The following ALCAM variants were observed in gnomAD, a reference collection of about 807,000 sequenced individuals.
The protein encoded by ALCAM is activated leukocyte cell adhesion molecule, also known as CD166 antigen.
ALCAM carries 30 observed loss-of-function variants against 70.9 expected under a neutral mutation model. That is an observed-to-expected ratio of 0.42 (90% CI 0.32 to 0.57). The LOEUF is 0.57. ALCAM is among the 20% of genes least tolerant of loss of function. ALCAM has a pLI of 0.11. For synonymous variants in ALCAM, 249 were observed against 242.5 expected, an observed-to-expected ratio of 1.03 and a Z score of -0.25; for missense variants, 591 against 695.1, an observed-to-expected ratio of 0.85 and a Z score of 1.68.
chr3:105,551,125 A>G (rs774050258), intron 12 of ALCAM, among the ~76,000 whole-genome samples: 1 of 151,612 alleles, frequency 6.6e-6, no homozygotes, highest in African/African-American at 2.4e-5. Context: ...AGCAAGAGCT[A>G]GGAGAAAATA....
At chr3:105,568,833 G>A (rs1331564514) in intron 14 of ALCAM, among the ~76,000 whole-genome samples, 3 of 151,382 alleles carry the variant, frequency 2.0e-5, no homozygotes, top group Non-Finnish European at 4.4e-5. Context: ...TTTTCTGAGG[G>A]TTTATAATTG....
chr3:105,456,484 T>G (rs1278211615), intron 1 of ALCAM, among the ~76,000 whole-genome samples: 1 of 152,234 alleles, frequency 6.6e-6, no homozygotes, highest in African/African-American at 2.4e-5. Context: ...TGTTTTTCTA[T>G]GTATTCCCAG....
Position 105,401,794 on chromosome 3 carries a change from ACTC to A in ALCAM, c.73+34317_73+34319del, listed in dbSNP as rs1936096132. 2.6e-5 allele frequency among the ~76,000 whole-genome samples: 4 copies of A among 152,210 alleles called. No homozygotes were observed. In the South Asian group the frequency reaches 8.3e-4, roughly 32 times the overall value. On this transcript the variant is annotated intron_variant, in intron 1 of 15. Transcript: ENST00000306107. ...ACTTAGGTGTTCTGAAGCAAAGTAA[ACTC>A]CTCTAGACTAGTGGTTTTCAACCCT...
intron 1 of ALCAM, among the ~76,000 whole-genome samples, chr3:105,479,943 T>C (rs78711471): frequency 0.012 from 1,790 of 152,258 alleles, 26 homozygotes; most frequent in African/African-American, 0.039. Flanking sequence ...AAAGCACAAA[T>C]CAAAATAGGT....
intron 1 of ALCAM, among the ~76,000 whole-genome samples, chr3:105,488,750 G>A (rs1026060469): frequency 2.6e-5 from 4 of 151,044 alleles, no homozygotes; most frequent in African/African-American, 9.8e-5. Context: ...GAGGAAGGAG[G>A]GAAGGAAGGA....
intron 1 of ALCAM, among the ~76,000 whole-genome samples, chr3:105,371,269 T>C (rs187466867): frequency 6.6e-6 from 1 of 152,302 alleles, no homozygotes; most frequent in Non-Finnish European, 1.5e-5. Flanking sequence ...CATGTAAGAA[T>C]GTTGTGACCT....
chr3:105,489,211 T>A (rs937897240), intron 1 of ALCAM, among the ~76,000 whole-genome samples: 1 of 152,218 alleles, frequency 6.6e-6, no homozygotes, highest in South Asian at 2.1e-4. Context: ...TCAAATTTAA[T>A]GTGGATACAA....
chr3:105,508,025 A>AG, intron 1 of ALCAM, among the ~76,000 whole-genome samples: 1 of 152,268 alleles, frequency 6.6e-6, no homozygotes, highest in Middle Eastern at 3.4e-3. Flanking sequence ...CTTCTTGAAT[A>AG]TTCATGATTT....
At chr3:105,398,671 G>A (rs1936011962) in intron 1 of ALCAM, among the ~76,000 whole-genome samples, 1 of 151,982 alleles carries the variant, frequency 6.6e-6, no homozygotes, top group Non-Finnish European at 1.5e-5. Context: ...TAGTATAAAA[G>A]CCTCTTTTAT....
At chr3:105,378,120 TA>T (rs1935423061) in intron 1 of ALCAM, among the ~76,000 whole-genome samples, 1 of 151,924 alleles carries the variant, frequency 6.6e-6, no homozygotes, top group Non-Finnish European at 1.5e-5. Context: ...CAAATTTTTT[TA>T]AAAATCAGTG....
rs548014885 is a variant in ALCAM at position 105,531,242 on chromosome 3, A to G, written c.395-760A>G. ...AAATTGTTGCTGCAACTTTTAATCA[A>G]TTGCTCCTGAAGTCTTTATTAAAAT... is the stretch of plus-strand genomic sequence containing the variant. On this transcript the variant is annotated intron_variant, in intron 3 of 15. Transcript: ENST00000306107. 9.9e-5 allele frequency: 15 copies of G among 152,184 alleles called. No individual in the cohort carries two copies. The East Asian group carries it at 1.4e-3, about 14-fold the overall frequency. The allele number at this position is 152,184 out of a possible 1,614,324, so 9.4% of individuals were successfully genotyped here. A position where few individuals can be genotyped will look rare whatever the true frequency, so the allele number is the denominator to read the frequency against.
At chr3:105,463,726 G>C (rs1450267655) in intron 1 of ALCAM, among the ~76,000 whole-genome samples, 2 of 151,336 alleles carry the variant, frequency 1.3e-5, no homozygotes, top group Non-Finnish European at 3.0e-5. Context: ...TTTTCCCAGT[G>C]AATGTGTTAT....
At chr3:105,394,320 G>A (rs997740098) in intron 1 of ALCAM, among the ~76,000 whole-genome samples, 1 of 152,026 alleles carries the variant, frequency 6.6e-6, no homozygotes, top group Non-Finnish European at 1.5e-5. Context: ...ATAGCTACGC[G>A]GAAGGGACAT....
intron 1 of ALCAM, among the ~76,000 whole-genome samples, chr3:105,380,482 A>G (rs570498265): frequency 2.6e-5 from 4 of 151,884 alleles, no homozygotes; most frequent in African/African-American, 7.2e-5. Flanking sequence ...GTATTGTACC[A>G]TGTGATTTCT....
At chr3:105,371,362 A>G (rs1031699673) in intron 1 of ALCAM, among the ~76,000 whole-genome samples, 1 of 152,010 alleles carries the variant, frequency 6.6e-6, no homozygotes, top group Non-Finnish European at 1.5e-5. Flanking sequence ...TTGTGTTGAG[A>G]TTAGTAATTC....
At chr3:105,566,298 G>C (rs1231042817) in intron 14 of ALCAM, among the ~76,000 whole-genome samples, 1 of 152,082 alleles carries the variant, frequency 6.6e-6, no homozygotes, top group Non-Finnish European at 1.5e-5. Context: ...TTGAGAAAGT[G>C]ATATCGAATC....
At chr3:105,478,424 A>T (rs1938180819) in intron 1 of ALCAM, among the ~76,000 whole-genome samples, 1 of 152,022 alleles carries the variant, frequency 6.6e-6, no homozygotes, top group African/African-American at 2.4e-5. Context: ...CCCCTTACAA[A>T]ATTTCTAGTA....
chr3:105,565,307 T>A (rs576155887), intron 14 of ALCAM, among the ~76,000 whole-genome samples: 2 of 152,334 alleles, frequency 1.3e-5, no homozygotes, highest in East Asian at 3.9e-4. Context: ...ACAGATCCTG[T>A]CTCAATTTTT....
chr3:105,547,579 T>C (rs1328934607), intron 11 of ALCAM, 56 bp downstream of exon 11: 4 of 1,581,478 alleles, frequency 2.5e-6, no homozygotes, highest in African/African-American at 2.7e-5. Flanking sequence ...TTTTTTTTCC[T>C]TCACGAACCT....
Sources: allele counts gnomAD v4.1 joint callset (sites outside exome capture counted in the v4.1 genomes callset), GRCh38; gene constraint gnomAD v4.1.1; transcripts MANE v1.5; gene names NCBI Gene and HGNC (gene_info 2026-07-23, HGNC 2026-07-21).